Variants in MICAL1 observed in about 807,000 individuals in gnomAD.
The protein encoded by MICAL1 is [F-actin]-monooxygenase MICAL1.
MICAL1 carries 95 observed loss-of-function variants against 131.8 expected under a neutral mutation model. That is an observed-to-expected ratio of 0.72 (90% CI 0.61 to 0.86). The LOEUF (loss-of-function observed/expected upper bound fraction) is 0.86, where lower values mean the gene tolerates loss of function less well. MICAL1 is among the 40% of genes least tolerant of loss of function. The pLI, the probability that MICAL1 is intolerant of heterozygous loss-of-function variation, is 0.00. For missense variants in MICAL1, 1,292 were observed against 1,380.6 expected (o/e 0.94, Z 1.02); for synonymous variants, 546 against 554.2 (o/e 0.99, Z 0.21).
intron 1 of MICAL1, among the ~76,000 whole-genome samples, chr6:109,461,492 C>A (rs1351647688): frequency 2.6e-5 from 4 of 152,070 alleles, no homozygotes; most frequent in Non-Finnish European, 5.9e-5. Flanking sequence ...GTAATCCCAG[C>A]ACTTTAGGAG....
intron 24 of MICAL1, 105 bp downstream of exon 24, chr6:109,444,620 A>G: frequency 1.5e-6 from 2 of 1,365,374 alleles, no homozygotes; most frequent in Non-Finnish European, 2.1e-6. Context: ...ATTGTCTCAG[A>G]GGTACACAGA....
In MICAL1 at chr6:109,448,917, T is replaced by C. The variant is rs375509814; in HGVS notation, c.1517-38A>G. 14 of 1,609,176 alleles carry C rather than the reference T, an allele frequency of 8.7e-6. No homozygotes were observed. The African/African-American group carries it at 1.7e-4, about 20-fold the overall frequency. On this transcript the variant is annotated intron_variant, in intron 11 of 24. Transcript: ENST00000358807. Reference sequence around the variant, plus strand: ...GCTGTGCTGTGCCCAAGGCCCCCTCTGCCCATCCCAGGCATATAGGGAGCC... The same window carrying C: ...GCTGTGCTGTGCCCAAGGCCCCCTCCGCCCATCCCAGGCATATAGGGAGCC...
In MICAL1 at chr6:109,450,497, G is replaced by A. The variant is rs753550891; in HGVS notation, c.994C>T (p.Arg332Cys). 15 of 1,613,012 alleles carry A rather than the reference G, an allele frequency of 9.3e-6. No individual in the cohort carries two copies. Among genetic ancestry groups the A allele is most frequent in the Middle Eastern group, 1.6e-4 (1 of 6,072 alleles). Reference sequence around the variant, plus strand: ...AAGTCAGCAGCTGCCCGGGTAAAGCGCTGCAGAGCCTCGGGCACCACATTG... The same window carrying A: ...AAGTCAGCAGCTGCCCGGGTAAAGCACTGCAGAGCCTCGGGCACCACATTG... Reference protein sequence around the residue: ...SANVVPEALQRFTRAAADFAT... With the variant: ...SANVVPEALQCFTRAAADFAT... The change falls in exon 8 of 25, where the codon CGC (arginine) becomes TGC (cysteine). Residue 332 changes from arginine (R) to cysteine (C), a missense_variant. By Grantham distance (180) the Arg-to-Cys change is radical. Transcript: ENST00000358807.
rs1775474964 is a variant in MICAL1, at chr6:109,450,100, G to A, written c.1192-15C>T. ...GGCCAGAAGGGCTGCAGTGTCAGAG[G>A]AATAGGAAGCAGCTCAGGGAGAATC... is the stretch of plus-strand genomic sequence containing the variant. On this transcript the variant is annotated splice_polypyrimidine_tract_variant and intron_variant, in intron 8 of 24. Transcript: ENST00000358807. 6.2e-7 allele frequency: 1 copy of A among 1,610,762 alleles called. No homozygotes were observed. The highest frequency in any genetic ancestry group is 8.5e-7 in the Non-Finnish European group (1 of 1,177,978).
chr6:109,449,578 C>T (rs1775421000), intron 10 of MICAL1, 79 bp downstream of exon 10: 1 of 1,603,258 alleles, frequency 6.2e-7, no homozygotes, highest in African/African-American at 1.3e-5. Context: ...CCCCAAAGGG[C>T]AGCGACTGGG....
rs745511179 is a variant in MICAL1, at chr6:109,450,475, TCAG to T, written c.1013_1015del (p.Ala338del). 279 of 1,613,390 alleles carry T rather than the reference TCAG, an allele frequency of 1.7e-4. 2 individuals are homozygous for T. The highest frequency in any genetic ancestry group is 2.2e-4 in the Non-Finnish European group (260 of 1,179,998). On this transcript the variant is annotated inframe_deletion, in exon 8 of 25. Coordinates refer to ENST00000358807, the MANE Select transcript of MICAL1 (RefSeq NM_022765.4). ...CCCGAGCTTGCCATGGGTGGCAAAG[TCAG>T]CAGCTGCCCGGGTAAAGCGCTGCAG... is the stretch of plus-strand genomic sequence containing the variant.
chr6:109,455,841 CG>C, upstream of MICAL1: 2 of 985,452 alleles, frequency 2.0e-6, no homozygotes, highest in Non-Finnish European at 1.2e-6. This position sits in a 1 kb window ranked among gnomAD's most constrained non-coding sequence, Gnocchi z 4.7. Flanking sequence ...TGCTGGGATG[CG>C]GGGCGGCCCG....
At chr6:109,457,244 G>T (rs976803184), upstream of MICAL1, among the ~76,000 whole-genome samples, 2 of 152,172 alleles carry the variant, frequency 1.3e-5, no homozygotes, top group African/African-American at 4.8e-5. Context: ...CAGAAAACTA[G>T]GGCAGCCTCT....
At chr6:109,450,194 A>T (rs1775479117) in intron 8 of MICAL1, 106 bp downstream of exon 8, 4 of 1,559,614 alleles carry the variant, frequency 2.6e-6, no homozygotes, top group Non-Finnish European at 2.6e-6. Context: ...CACACCAGGC[A>T]GCCCTTAGCT....
At chr6:109,456,341 T>C (rs1381901515), upstream of MICAL1, among the ~76,000 whole-genome samples, 1 of 152,296 alleles carries the variant, frequency 6.6e-6, no homozygotes, top group East Asian at 1.9e-4. Flanking sequence ...GTCTCCCACC[T>C]GGAGATCCAC....
chr6:109,453,704 C>T lies in MICAL1; in HGVS notation c.400G>A (p.Asp134Asn), dbSNP rs762638415. ...VLHLWPFTIH[D>N]LRALGAKKFY... ...TTCTTAGCACCGAGTGCCCGCAGGTCGTGGATGGTGAAGGGCCAGAGGTGG... is the reference window on the plus strand; with the variant it reads ...TTCTTAGCACCGAGTGCCCGCAGGTTGTGGATGGTGAAGGGCCAGAGGTGG... The change falls in exon 3 of 25, where the codon GAC becomes AAC. Residue 134 changes from aspartate (D) to asparagine (N), a missense_variant. Coordinates refer to ENST00000358807, the MANE Select transcript of MICAL1 (RefSeq NM_022765.4). 7.2e-5 allele frequency: 116 copies of T among 1,613,798 alleles called. No individual in the cohort carries two copies. The South Asian group carries it at 1.0e-3, about 15-fold the overall frequency.
chr6:109,458,521 G>A (rs547317054), upstream of MICAL1, among the ~76,000 whole-genome samples: 26 of 152,280 alleles, frequency 1.7e-4, no homozygotes, highest in African/African-American at 4.8e-4. Flanking sequence ...GCTTGAACTC[G>A]GGAGGTGGAG....
In MICAL1 at chr6:109,454,177, G is replaced by A. The variant is rs1451510453; in HGVS notation, c.20C>T (p.Thr7Ile). 2 of 1,603,948 alleles carry A rather than the reference G, an allele frequency of 1.2e-6. No homozygotes were observed. The change falls in exon 2 of 25, where the codon ACC (threonine) becomes ATC (isoleucine). Residue 7 changes from threonine to isoleucine, a missense_variant. Physicochemically the swap from Thr to Ile is moderately conservative, Grantham distance 89. Transcript: ENST00000358807. ...CTCAAAGTGGGCATGCGCTGGGTTG[G>A]TGGAGGTAGGTGAAGCCATGGAGGC... Reference protein sequence around the residue: MASPTSTNPAHAHFESF... With the variant: MASPTSINPAHAHFESF...
intron 9 of MICAL1, 37 bp from the exon 10 acceptor site, chr6:109,449,820 G>T: frequency 6.3e-7 from 1 of 1,592,990 alleles, no homozygotes; most frequent in South Asian, 1.1e-5. Context: ...GGCATGAATG[G>T]GAGGGCACCT....
Position 109,444,910 on chromosome 6 carries a change from G to C in MICAL1, c.2967C>G (p.Ala989=). ...CTTCCCCTTACGTGATCATGAGCTC[G>C]GCCTCCTCAGCCACCAGGCTGTTTT... ...DKKNSLVAEE[A]ELMITVQELN... Residue 989 remains alanine, a synonymous_variant, in exon 23 of 25, where the codon GCC becomes GCG. Transcript: ENST00000358807. 6.2e-7 allele frequency: 1 copy of C among 1,614,074 alleles called. No individual in the cohort carries two copies. The highest frequency in any genetic ancestry group is 8.5e-7 in the Non-Finnish European group (1 of 1,180,002).
chr6:109,452,353 G>A lies in MICAL1; in HGVS notation c.725C>T (p.Ala242Val). Residue 242 changes from alanine to valine, a missense_variant, in exon 6 of 25, where the codon GCC becomes GTC. By Grantham distance (64) the Ala-to-Val change is moderately conservative (BLOSUM62 0). Transcript: ENST00000358807. ...MRGKLAIGIT[A>V]NFVNGRTVEE... is the part of the protein sequence containing the mutation. ...CACGGTGCGTCCATTCACAAAGTTG[G>A]CTGTGATGCCAATGGCCAGTTTGCC... 1 of 1,614,196 alleles carries A rather than the reference G, an allele frequency of 6.2e-7. No homozygotes were observed. The highest frequency in any genetic ancestry group is 8.5e-7 in the Non-Finnish European group (1 of 1,180,030).
rs532650372 is a variant in MICAL1, at chr6:109,448,563, T to C, written c.1664+169A>G. On this transcript the variant is annotated intron_variant, in intron 12 of 24. Transcript: ENST00000358807. ...GTGCCCAACCCAGTGACACTACTCC[T>C]GGCTTTGGGGGCCTGTGCCATTCAC... 3.9e-6 allele frequency: 5 copies of C among 1,277,072 alleles called. No individual in the cohort carries two copies. In the Admixed American group the frequency reaches 7.5e-5, roughly 19 times the overall value. The allele number at this position is 1,277,072 out of a possible 1,614,324, so 79.1% of individuals were successfully genotyped here. A position where few individuals can be genotyped will look rare whatever the true frequency, so the allele number is the denominator to read the frequency against.
intron 14 of MICAL1, 48 bp downstream of exon 14, chr6:109,447,827 C>G (rs748103187): frequency 6.2e-7 from 1 of 1,611,686 alleles, no homozygotes; most frequent in Non-Finnish European, 8.5e-7. Context: ...TGGGTACCCC[C>G]CTGCCCACTC....
intron 24 of MICAL1, 53 bp downstream of exon 24, chr6:109,444,672 G>T: frequency 6.3e-7 from 1 of 1,589,294 alleles, no homozygotes; most frequent in Non-Finnish European, 8.6e-7. Flanking sequence ...AGATCATGAG[G>T]CTTGCATGAC....
Sources: allele counts gnomAD v4.1 joint callset (sites outside exome capture counted in the v4.1 genomes callset), GRCh38; gene constraint gnomAD v4.1.1; non-coding constraint Gnocchi (gnomAD v3.1); transcripts MANE v1.5; gene names NCBI Gene and HGNC (gene_info 2026-07-23, HGNC 2026-07-21).